MCUB: variants seen among roughly 807,000 people sequenced by gnomAD.
The protein encoded by MCUB is calcium uniporter regulatory subunit MCUb, mitochondrial.
Under a neutral mutation model 41.4 loss-of-function variants are expected in MCUB, and 46 were observed. The observed-to-expected ratio is 1.11, with a 90% confidence interval of 0.88 to 1.42. The LOEUF is 1.42. MCUB is among the 40% of genes most tolerant of loss of function. MCUB has a pLI of 0.00. For synonymous variants in MCUB, 148 were observed against 148.2 expected (o/e 1.00, Z 0.01); for missense variants, 403 against 404.9 (o/e 1.00, Z 0.04).
intron 1 of MCUB, among the ~76,000 whole-genome samples, chr4:109,657,826 T>C (rs1412104060): frequency 6.6e-6 from 1 of 152,264 alleles, no homozygotes; most frequent in Non-Finnish European, 1.5e-5. Context: ...CATTCAGATG[T>C]TGTAGACTCA....
intron 1 of MCUB, among the ~76,000 whole-genome samples, chr4:109,591,001 C>G (rs910620598): frequency 3.9e-5 from 6 of 152,110 alleles, no homozygotes; most frequent in Non-Finnish European, 5.9e-5. Context: ...CTCAAAATCT[C>G]AAATGTTCCT....
chr4:109,647,460 T>G (rs114177319), intron 1 of MCUB, among the ~76,000 whole-genome samples: 1,691 of 152,334 alleles, frequency 0.011, 40 homozygotes, highest in African/African-American at 0.038. Flanking sequence ...ATTGGCTTCT[T>G]TCACTTAGTA....
chr4:109,576,305 T>C (rs1302138553), intron 1 of MCUB, among the ~76,000 whole-genome samples: 2 of 152,180 alleles, frequency 1.3e-5, no homozygotes, highest in African/African-American at 2.4e-5. Context: ...TTCTTACTTA[T>C]GGTAAGTCAA....
At chr4:109,684,715 G>A (rs1467586661) in intron 6 of MCUB, 69 bp downstream of exon 6, 3 of 743,466 alleles carry the variant, frequency 4.0e-6, no homozygotes, top group Non-Finnish European at 6.8e-6. Flanking sequence ...TAAGCAATGA[G>A]CAAAAAAGCC....
chr4:109,647,474 T>A (rs1579081710), intron 1 of MCUB, among the ~76,000 whole-genome samples: 1 of 151,632 alleles, frequency 6.6e-6, no homozygotes, highest in Non-Finnish European at 1.5e-5. Flanking sequence ...CTTAGTAATA[T>A]GCATTTAAGG....
At chr4:109,603,617 C>T (rs1439403392) in intron 1 of MCUB, among the ~76,000 whole-genome samples, 4 of 151,194 alleles carry the variant, frequency 2.6e-5, no homozygotes, top group South Asian at 2.1e-4. Flanking sequence ...AGGTGAGGAG[C>T]GCCTCTGCCC....
chr4:109,618,602 G>A (rs982357766), intron 1 of MCUB, among the ~76,000 whole-genome samples: 44 of 152,088 alleles, frequency 2.9e-4, no homozygotes, highest in African/African-American at 1.0e-3. Context: ...ATACTTTAAC[G>A]TAACTAAATG....
rs148554515 is a variant in MCUB, at chr4:109,667,122, C to T, written c.451+2728C>T. 7.2e-3 allele frequency among the ~76,000 whole-genome samples: 1,101 copies of T among 152,144 alleles called. 12 individuals are homozygous for T. The highest frequency in any genetic ancestry group is 0.025 in the African/African-American group (1,042 of 41,506). Reference sequence around the variant, plus strand: ...CTCATAGAATGAGTTAGGAAGTATTCCCTCTGCTTCTGTCTTCTGAAAGAG... The same window carrying T: ...CTCATAGAATGAGTTAGGAAGTATTTCCTCTGCTTCTGTCTTCTGAAAGAG... On this transcript the variant is annotated intron_variant, in intron 4 of 7. Transcript: ENST00000394650.
In MCUB at chr4:109,569,056, T is replaced by C. The variant is rs996526466; in HGVS notation, c.99+8620T>C. Among the ~76,000 whole-genome samples the C allele has an allele frequency of 3.3e-5, 5 of 152,196 alleles. No homozygotes were observed. In the East Asian group the frequency reaches 7.7e-4, roughly 23 times the overall value. On this transcript the variant is annotated intron_variant, in intron 1 of 7. Coordinates refer to ENST00000394650, the MANE Select transcript of MCUB (RefSeq NM_017918.5). ...ATTAAAAGTGAACAGTAGTCTTTTTTTTCTTTTTGAGACAGAGTCTGGCTC... is the reference window on the plus strand; with the variant it reads ...ATTAAAAGTGAACAGTAGTCTTTTTCTTCTTTTTGAGACAGAGTCTGGCTC...
At chr4:109,592,302 C>T (rs539250357) in intron 1 of MCUB, among the ~76,000 whole-genome samples, 8 of 151,562 alleles carry the variant, frequency 5.3e-5, no homozygotes, top group African/African-American at 1.7e-4. Flanking sequence ...CCCAGCTACT[C>T]GGGAGGCTGA....
chr4:109,604,931 G>C (rs1257668363), intron 1 of MCUB, among the ~76,000 whole-genome samples: 1 of 152,124 alleles, frequency 6.6e-6, no homozygotes, highest in Non-Finnish European at 1.5e-5. Context: ...CTAGCATTTT[G>C]TTGAGGATTT....
In MCUB at chr4:109,660,269, T is replaced by C. The variant is rs761207399; in HGVS notation, c.250T>C (p.Phe84Leu). Residue 84 changes from phenylalanine to leucine, a missense_variant, in exon 3 of 8, where the codon TTC becomes CTC. Coordinates refer to ENST00000394650, the MANE Select transcript of MCUB (RefSeq NM_017918.5). The stretch of plus-strand genomic sequence containing the variant: ...GCCATCTAGAAAAGAACGTTGTCAA[T>C]TCGTAGTCAAACCAATGTTGTCAAC... ...TLPSRKERCQ[F>L]VVKPMLSTVG... The C allele has an allele frequency of 5.6e-6, 9 of 1,602,176 alleles. No individual in the cohort carries two copies. The highest frequency in any genetic ancestry group is 7.7e-6 in the Non-Finnish European group (9 of 1,169,254).
At chr4:109,660,667 T>C (rs534492179) in intron 3 of MCUB, among the ~76,000 whole-genome samples, 1 of 151,926 alleles carries the variant, frequency 6.6e-6, no homozygotes, top group South Asian at 2.1e-4. Flanking sequence ...AAACACAAAA[T>C]TAGCCACCCG....
At chr4:109,593,456 A>G (rs1010410967) in intron 1 of MCUB, among the ~76,000 whole-genome samples, 1 of 152,208 alleles carries the variant, frequency 6.6e-6, no homozygotes, top group Non-Finnish European at 1.5e-5. Context: ...CATGTCTAAG[A>G]CAGAGTGATT....
chr4:109,606,957 G>C (rs1727889898), intron 1 of MCUB, among the ~76,000 whole-genome samples: 1 of 152,050 alleles, frequency 6.6e-6, no homozygotes, highest in South Asian at 2.1e-4. Context: ...ATGTTGGCCA[G>C]GTTGGTCTCC....
chr4:109,598,296 C>T lies in MCUB; in HGVS notation c.99+37860C>T, dbSNP rs553310375. Among the ~76,000 whole-genome samples, 319 of 152,112 alleles carry T rather than the reference C, an allele frequency of 2.1e-3. 1 individual carries two copies. The highest frequency in any genetic ancestry group is 3.4e-3 in the Middle Eastern group (1 of 294). ...CGAGATCATGCCACTGCACTCCAGC[C>T]GGGGCACCATTGAGCACTGAGTGAA... On this transcript the variant is annotated intron_variant, in intron 1 of 7. Coordinates refer to ENST00000394650, the MANE Select transcript of MCUB (RefSeq NM_017918.5).
At chr4:109,561,774 A>G (rs2126121912) in intron 1 of MCUB, among the ~76,000 whole-genome samples, 1 of 152,254 alleles carries the variant, frequency 6.6e-6, no homozygotes, top group South Asian at 2.1e-4. Context: ...TTGGAGACGG[A>G]GTCTTGCTCT....
chr4:109,656,238 A>G (rs758779729), intron 1 of MCUB, among the ~76,000 whole-genome samples: 3 of 151,994 alleles, frequency 2.0e-5, no homozygotes, highest in Admixed American at 1.3e-4. Flanking sequence ...TTTGGTAGGT[A>G]ACGTGTAGAA....
intron 1 of MCUB, among the ~76,000 whole-genome samples, chr4:109,605,801 T>C (rs1376699603): frequency 1.3e-5 from 2 of 152,194 alleles, no homozygotes; most frequent in African/African-American, 2.4e-5. Context: ...TTGTCTCTTA[T>C]AGTTTTTGTC....
Sources: gnomAD v4.1 joint callset for allele counts (sites outside exome capture counted in the v4.1 genomes callset) on GRCh38, gnomAD v4.1.1 for gene constraint, MANE v1.5 for transcripts, NCBI Gene and HGNC (gene_info 2026-07-23, HGNC 2026-07-21) for gene names.